The following CTBP2 variants were observed in gnomAD, a reference collection of about 807,000 sequenced individuals.
CTBP2 encodes C-terminal binding protein 2, also known as C-terminal-binding protein 2.
A neutral mutation model predicts 80.3 loss-of-function variants in CTBP2; 30 were observed. The observed-to-expected ratio is 0.37, with a 90% CI of 0.28 to 0.51. The LOEUF is 0.51. Among genes scored for constraint, CTBP2 ranks in the 20% least tolerant of loss-of-function variants. The pLI is 0.93. For missense variants in CTBP2, 1,212 were observed against 1,375.3 expected (o/e 0.88, Z 1.88); for synonymous variants, 594 against 587.4 (o/e 1.01, Z -0.16).
At chr10:125,092,797 G>A (rs756118328) in intron 2 of CTBP2, among the ~76,000 whole-genome samples, 78 of 152,050 alleles carry the variant, frequency 5.1e-4, no homozygotes, top group Admixed American at 3.1e-3. Context: ...ACTGGCTTAC[G>A]TTTAGGAGCA....
At chr10:125,078,232 A>ATCGCGCCC (rs1846577003) in intron 2 of CTBP2, among the ~76,000 whole-genome samples, 1 of 148,540 alleles carries the variant, frequency 6.7e-6, no homozygotes. Flanking sequence ...GTGAGCCGAG[A>ATCGCGCCC]TCGCGCCTCT....
intron 1 of CTBP2, among the ~76,000 whole-genome samples, chr10:125,025,116 T>A (rs536223155): frequency 1.3e-5 from 2 of 151,200 alleles, no homozygotes; most frequent in African/African-American, 4.9e-5. Flanking sequence ...GATCTTATTG[T>A]TTCATCCTGA....
chr10:125,127,080 A>G (rs866398368), intron 1 of CTBP2, among the ~76,000 whole-genome samples: 1 of 152,228 alleles, frequency 6.6e-6, no homozygotes, highest in Middle Eastern at 3.2e-3. Flanking sequence ...GCCGAGTGTT[A>G]CACGAAGTAG....
intron 2 of CTBP2, among the ~76,000 whole-genome samples, chr10:125,051,902 CAG>C (rs1336389482): frequency 1.3e-5 from 2 of 152,160 alleles, no homozygotes; most frequent in East Asian, 1.9e-4. Flanking sequence ...TAGACACAGA[CAG>C]GGGGAAGACG....
At chr10:125,060,068 T>C (rs180925959) in intron 2 of CTBP2, among the ~76,000 whole-genome samples, 18 of 152,324 alleles carry the variant, frequency 1.2e-4, no homozygotes, top group Middle Eastern at 3.4e-3. Context: ...AGTTATCATA[T>C]GGCGGGCAGA....
At chr10:125,057,913 C>G (rs1226551870) in intron 2 of CTBP2, among the ~76,000 whole-genome samples, 2 of 152,166 alleles carry the variant, frequency 1.3e-5, no homozygotes, top group African/African-American at 2.4e-5. Flanking sequence ...CGTCCCACTT[C>G]CTGTCCACAG....
At chr10:125,062,035 T>C (rs1016276733) in intron 2 of CTBP2, among the ~76,000 whole-genome samples, 1 of 151,638 alleles carries the variant, frequency 6.6e-6, no homozygotes, top group African/African-American at 2.4e-5. Context: ...ACGCCCTGAG[T>C]TTGTGATGGA....
At chr10:125,077,602 T>C (rs1247062737) in intron 2 of CTBP2, among the ~76,000 whole-genome samples, 1 of 152,158 alleles carries the variant, frequency 6.6e-6, no homozygotes, top group Non-Finnish European at 1.5e-5. Context: ...CAACAGCACA[T>C]TCTGGAAAGT....
intron 3 of CTBP2, among the ~76,000 whole-genome samples, chr10:125,037,106 T>C (rs150837904): frequency 1.9e-3 from 288 of 152,328 alleles, no homozygotes; most frequent in Admixed American, 3.3e-3. Flanking sequence ...ACACCATGCA[T>C]AGACAAGGTA....
intron 2 of CTBP2, among the ~76,000 whole-genome samples, chr10:125,102,462 G>C (rs977349885): frequency 6.6e-6 from 1 of 152,226 alleles, no homozygotes; most frequent in Non-Finnish European, 1.5e-5. Context: ...AGGCAGAGAG[G>C]GCTTTCCGGC....
intron 2 of CTBP2, among the ~76,000 whole-genome samples, chr10:125,045,910 AC>A (rs1400442259): frequency 6.6e-6 from 1 of 152,046 alleles, no homozygotes; most frequent in East Asian, 1.9e-4. Flanking sequence ...ACATGGTCAC[AC>A]CCTGGTCACA....
At chr10:124,996,250 C>T (rs1346773529) in intron 4 of CTBP2, 1 of 152,148 alleles carries the variant, frequency 6.6e-6, no homozygotes, top group East Asian at 1.9e-4. Context: ...GCTGCCTTTC[C>T]TTCAGTTTCT....
chr10:125,151,705 C>T (rs923682546), intron 1 of CTBP2, among the ~76,000 whole-genome samples: 1 of 152,230 alleles, frequency 6.6e-6, no homozygotes, highest in African/African-American at 2.4e-5. Context: ...CAGGTCCCCG[C>T]CCCTGCTCTG....
chr10:124,993,919 G>T lies in CTBP2; in HGVS notation c.2467C>A (p.Gln823Lys). ...CGTATCCTGCCCTCCTTGAGGGCTT[G>T]TGCTAAGGCTTTCTCGTCCACCAGG... The change falls in exon 6 of 9, where the codon CAA (glutamine) becomes AAA (lysine). Residue 823 changes from glutamine to lysine, a missense_variant. Physicochemically the swap from Gln to Lys is moderately conservative, Grantham distance 53. Coordinates refer to ENST00000309035, the MANE Select transcript of CTBP2 (RefSeq NM_022802.3). 1 of 1,614,182 alleles carries T rather than the reference G, an allele frequency of 6.2e-7. No individual in the cohort carries two copies. The highest frequency in any genetic ancestry group is 1.1e-5 in the South Asian group (1 of 91,082).
At chr10:125,147,962 A>T (rs975095857) in intron 1 of CTBP2, among the ~76,000 whole-genome samples, 2 of 152,166 alleles carry the variant, frequency 1.3e-5, no homozygotes, top group Non-Finnish European at 1.5e-5. Flanking sequence ...GGCTTTAGAA[A>T]CACTACTTCA....
chr10:125,053,407 G>A (rs1393221318), intron 2 of CTBP2, among the ~76,000 whole-genome samples: 1 of 152,194 alleles, frequency 6.6e-6, no homozygotes, highest in Non-Finnish European at 1.5e-5. Context: ...TTGCAGTCCA[G>A]ATTCTTGCAG....
At chr10:125,044,849 C>T (rs1960828493) in intron 2 of CTBP2, among the ~76,000 whole-genome samples, 1 of 152,110 alleles carries the variant, frequency 6.6e-6, no homozygotes, top group Non-Finnish European at 1.5e-5. Context: ...AAGCACTGGC[C>T]CAGCCTTTGA....
chr10:125,055,973 T>G (rs1963821963), intron 2 of CTBP2, among the ~76,000 whole-genome samples: 1 of 152,138 alleles, frequency 6.6e-6, no homozygotes, highest in Non-Finnish European at 1.5e-5. Flanking sequence ...GAGACCAGCC[T>G]GGCCAACATG....
intron 3 of CTBP2, among the ~76,000 whole-genome samples, chr10:125,036,021 T>C (rs998815288): frequency 6.6e-6 from 1 of 152,180 alleles, no homozygotes. Flanking sequence ...AATTAAAATG[T>C]GGCTTTTACA....
Sources: allele counts gnomAD v4.1 joint callset (sites outside exome capture counted in the v4.1 genomes callset), GRCh38; gene constraint gnomAD v4.1.1; transcripts MANE v1.5; gene names NCBI Gene and HGNC (gene_info 2026-07-23, HGNC 2026-07-21).